TUSC3: variants seen among roughly 807,000 people sequenced by gnomAD.
TUSC3 encodes tumor suppressor candidate 3.
TUSC3 carries 45 observed loss-of-function variants against 44.8 expected under a neutral mutation model. The observed-to-expected ratio is 1.00, with a 90% confidence interval of 0.79 to 1.29. TUSC3 has a LOEUF of 1.29. Among genes scored for constraint, TUSC3 ranks in the 50% most tolerant of loss-of-function variants. The pLI is 0.00. For synonymous variants in TUSC3, 212 were observed against 152.9 expected, an observed-to-expected ratio of 1.39 and a Z score of -2.85; for missense variants, 519 against 437.9, an observed-to-expected ratio of 1.19 and a Z score of -1.65.
chr8:15,835,579 G>C, the TUSC3 span, among the ~76,000 whole-genome samples: 6 of 151,912 alleles, frequency 3.9e-5, no homozygotes, highest in African/African-American at 1.5e-4. Flanking sequence ...CTCATATCTT[G>C]TTGATAAGTT....
At chr8:15,678,001 A>G (rs531925670) in intron 6 of TUSC3, among the ~76,000 whole-genome samples, 5 of 152,318 alleles carry the variant, frequency 3.3e-5, no homozygotes, top group Admixed American at 2.0e-4. Flanking sequence ...TTAAGGAAAC[A>G]TGGGAGAAGA....
At chr8:15,570,954 G>GTCTTTTTTTTTTTTTTTTTTTTTTTTT (rs1802850304) in intron 1 of TUSC3, among the ~76,000 whole-genome samples, 1 of 44,494 alleles carries the variant, frequency 2.2e-5, no homozygotes, top group Non-Finnish European at 5.2e-5. Flanking sequence ...TTGCCTATTA[G>GTCTTTTTTTTTTTTTTTTTTTTTTTTT]TTTTTTTTTT....
chr8:15,519,853 C>G (rs1247273186), intron 2 of TUSC3, among the ~76,000 whole-genome samples: 1 of 152,184 alleles, frequency 6.6e-6, no homozygotes, highest in Admixed American at 6.5e-5. Context: ...TGAAAATTCT[C>G]AAGCTCATTT....
In TUSC3 at chr8:15,728,193, C is replaced by G. The variant is rs116654652; in HGVS notation, c.799-2473C>G. Among the ~76,000 whole-genome samples, 778 of 152,184 alleles carry G rather than the reference C, an allele frequency of 5.1e-3. 10 individuals carry two copies. The highest frequency in any genetic ancestry group is 0.018 in the African/African-American group (745 of 41,514). On this transcript the variant is annotated intron_variant, in intron 6 of 10. Coordinates refer to ENST00000503731, the MANE Select transcript of TUSC3 (RefSeq NM_006765.4). The stretch of plus-strand genomic sequence containing the variant: ...ACATCTGAGAAAGCATTGAAGGGTT[C>G]TGAGCAAAGTAATGATAGGATAGTT...
At chr8:15,843,887 G>A in the TUSC3 span, among the ~76,000 whole-genome samples, 1 of 151,996 alleles carries the variant, frequency 6.6e-6, no homozygotes, top group Non-Finnish European at 1.5e-5. Context: ...AAATAATGAT[G>A]AAGTCTCAGG....
chr8:15,773,250 T>A, the TUSC3 span, among the ~76,000 whole-genome samples: 1 of 152,132 alleles, frequency 6.6e-6, no homozygotes, highest in Non-Finnish European at 1.5e-5. Context: ...TTTTAAATGA[T>A]TAAAAATAAA....
At chr8:15,559,156 C>T (rs937278586) in intron 1 of TUSC3, among the ~76,000 whole-genome samples, 5 of 143,056 alleles carry the variant, frequency 3.5e-5, no homozygotes, top group African/African-American at 1.0e-4. Flanking sequence ...ATAAATTTCC[C>T]TCTACACACT....
the TUSC3 span, among the ~76,000 whole-genome samples, chr8:15,819,062 A>C: frequency 1.4e-5 from 2 of 147,610 alleles, no homozygotes; most frequent in Non-Finnish European, 3.0e-5. Flanking sequence ...CTGTCTCTAC[A>C]AGAAAAAAAA....
At chr8:15,649,101 A>G (rs1286000653) in intron 2 of TUSC3, among the ~76,000 whole-genome samples, 1 of 152,148 alleles carries the variant, frequency 6.6e-6, no homozygotes, top group African/African-American at 2.4e-5. Context: ...TTTTATAAGT[A>G]TGTTAGTTAC....
intron 2 of TUSC3, among the ~76,000 whole-genome samples, chr8:15,531,693 G>A (rs1801452076): frequency 6.6e-6 from 1 of 152,192 alleles, no homozygotes; most frequent in Non-Finnish European, 1.5e-5. Flanking sequence ...GTATGAATTT[G>A]CCACAGGTAA....
chr8:15,497,735 CTTCT>C (rs940702728), intron 2 of TUSC3, among the ~76,000 whole-genome samples: 1 of 72,574 alleles, frequency 1.4e-5, no homozygotes, highest in Non-Finnish European at 4.7e-5. Context: ...TTTGTTTCTT[CTTCT>C]TTTTTTTTTC....
chr8:15,525,642 G>A (rs965318490), intron 2 of TUSC3, among the ~76,000 whole-genome samples: 2 of 152,104 alleles, frequency 1.3e-5, no homozygotes, highest in African/African-American at 4.8e-5. Context: ...CCCGTGACAG[G>A]GCTAGGCAGA....
chr8:15,570,744 A>C (rs1047498045), intron 1 of TUSC3, among the ~76,000 whole-genome samples: 1 of 152,050 alleles, frequency 6.6e-6, no homozygotes, highest in Non-Finnish European at 1.5e-5. Flanking sequence ...TAATTGGGCC[A>C]GTATTCAAAT....
the TUSC3 span, among the ~76,000 whole-genome samples, chr8:15,793,972 C>T: frequency 9.9e-5 from 15 of 152,260 alleles, no homozygotes; most frequent in Non-Finnish European, 2.1e-4. Flanking sequence ...AAGAGAAGAG[C>T]GCTCCAAGAT....
At chr8:15,828,016 C>G in the TUSC3 span, among the ~76,000 whole-genome samples, 1 of 139,296 alleles carries the variant, frequency 7.2e-6, no homozygotes, top group African/African-American at 2.7e-5. Flanking sequence ...TTTTTTGACA[C>G]GGAGTTTCAC....
chr8:15,822,314 G>C, the TUSC3 span, among the ~76,000 whole-genome samples: 1 of 152,202 alleles, frequency 6.6e-6, no homozygotes, highest in East Asian at 1.9e-4. Flanking sequence ...AAGAGACTAG[G>C]CTACATATTT....
chr8:15,479,969 C>T lies in TUSC3; in HGVS notation n.92-3417C>T, dbSNP rs146780561. 3.0e-4 allele frequency among the ~76,000 whole-genome samples: 46 copies of T among 152,254 alleles called. No homozygotes were observed. In the East Asian group the frequency reaches 8.5e-3, roughly 28 times the overall value. The stretch of plus-strand genomic sequence containing the variant: ...TCAGCAAAGTCTCAGGATACAAAAT[C>T]AGTGCCCAGAAATCACAAGCATTCC... On this transcript the variant is annotated intron_variant and non_coding_transcript_variant, in intron 1 of 5. Coordinates refer to the TUSC3 transcript ENST00000503191.
chr8:15,554,710 C>A lies in TUSC3; in HGVS notation c.138+14142C>A, dbSNP rs1448844669. On this transcript the variant is annotated intron_variant, in intron 1 of 10. Transcript: ENST00000503731. The stretch of plus-strand genomic sequence containing the variant: ...CTCTGCCTCCCAGGTTCACACCATT[C>A]TCCTGCCTCAGCCTCCCGAGTAGCT... Among the ~76,000 whole-genome samples, 2 of 146,428 alleles carry A rather than the reference C, an allele frequency of 1.4e-5. 1 individual carries two copies. Among genetic ancestry groups the A allele is most frequent in the Non-Finnish European group, 3.0e-5 (2 of 66,982 alleles).
At chr8:15,837,558 TG>T in the TUSC3 span, among the ~76,000 whole-genome samples, 4 of 152,108 alleles carry the variant, frequency 2.6e-5, no homozygotes, top group African/African-American at 9.7e-5. Flanking sequence ...AATCATCATT[TG>T]TGTTGCTTCT....
Sources: allele counts gnomAD v4.1 joint callset (sites outside exome capture counted in the v4.1 genomes callset), GRCh38; gene constraint gnomAD v4.1.1; transcripts MANE v1.5; gene names NCBI Gene and HGNC (gene_info 2026-07-23, HGNC 2026-07-21).